SETBP1: variants seen among roughly 807,000 people sequenced by gnomAD.
The protein encoded by SETBP1 is SET-binding protein.
Under a neutral mutation model 101.0 loss-of-function variants are expected in SETBP1, and 9 were observed. That is an observed-to-expected ratio of 0.09 (90% CI 0.05 to 0.16). SETBP1 has a LOEUF of 0.16. SETBP1 is among the 10% of genes least tolerant of loss of function. The pLI, the probability that SETBP1 is intolerant of heterozygous loss-of-function variation, is 1.00. For missense variants in SETBP1, 1,858 were observed against 2,033.8 expected, an observed-to-expected ratio of 0.91 and a Z score of 1.66; for synonymous variants, 818 against 788.5, an observed-to-expected ratio of 1.04 and a Z score of -0.63.
chr18:45,020,488 T>C (rs1190676066), intron 4 of SETBP1, among the ~76,000 whole-genome samples: 1 of 152,072 alleles, frequency 6.6e-6, no homozygotes, highest in Non-Finnish European at 1.5e-5. Context: ...TGTTATCTTC[T>C]AAAAAATAGG....
chr18:44,877,107 C>T (rs1025976015), intron 3 of SETBP1: 236 of 1,010,618 alleles, frequency 2.3e-4, no homozygotes, highest in Middle Eastern at 1.9e-3. Context: ...TGCCATGGAT[C>T]TTTGCTCTCT....
At chr18:45,031,067 T>C (rs1291272884) in intron 4 of SETBP1, among the ~76,000 whole-genome samples, 4 of 152,104 alleles carry the variant, frequency 2.6e-5, no homozygotes, top group Admixed American at 2.6e-4. Flanking sequence ...TTGAATGTGT[T>C]TGCTCTTGCT....
intron 4 of SETBP1, among the ~76,000 whole-genome samples, chr18:44,954,343 A>AAAC (rs1555707971): frequency 2.0e-5 from 3 of 149,584 alleles, no homozygotes; most frequent in South Asian, 2.1e-4. Flanking sequence ...AAAAAAAAAA[A>AAAC]AAAAAAAAAA....
intron 4 of SETBP1, among the ~76,000 whole-genome samples, chr18:45,006,094 C>T (rs1222627577): frequency 6.6e-6 from 1 of 151,630 alleles, no homozygotes; most frequent in Non-Finnish European, 1.5e-5. Context: ...GCTGGGACTA[C>T]AGGCATGCAC....
chr18:44,805,422 GT>G (rs1324639189), intron 2 of SETBP1, among the ~76,000 whole-genome samples: 1 of 151,800 alleles, frequency 6.6e-6, no homozygotes, highest in African/African-American at 2.4e-5. Context: ...GTGTGTGTGT[GT>G]GTGTGTGTGT....
intron 5 of SETBP1, among the ~76,000 whole-genome samples, chr18:45,060,245 G>T (rs942205198): frequency 2.0e-4 from 31 of 152,230 alleles, no homozygotes; most frequent in African/African-American, 7.2e-4. Context: ...TATGAGTAAA[G>T]CAGGCAAGCT....
At chr18:44,889,590 A>G (rs1328363327) in intron 3 of SETBP1, among the ~76,000 whole-genome samples, 2 of 151,966 alleles carry the variant, frequency 1.3e-5, no homozygotes, top group South Asian at 2.1e-4. Context: ...AGTTGCACTG[A>G]CTCTCCACCT....
intron 2 of SETBP1, among the ~76,000 whole-genome samples, chr18:44,714,445 G>A (rs972543372): frequency 2.0e-5 from 3 of 152,140 alleles, no homozygotes; most frequent in East Asian, 1.9e-4. Flanking sequence ...CAGATGATCC[G>A]CCCGCCTTGG....
chr18:44,753,068 T>A (rs1006754915), intron 2 of SETBP1, among the ~76,000 whole-genome samples: 17 of 152,232 alleles, frequency 1.1e-4, no homozygotes, highest in African/African-American at 3.4e-4. Flanking sequence ...ATGGTTTTTT[T>A]ATGTTACATT....
chr18:45,050,707 C>T (rs964100215), intron 5 of SETBP1, among the ~76,000 whole-genome samples: 27 of 152,294 alleles, frequency 1.8e-4, no homozygotes, highest in African/African-American at 6.5e-4. Context: ...CTCTGTGTGG[C>T]CGGGATCCAG....
At chr18:45,016,182 G>A (rs972879445) in intron 4 of SETBP1, among the ~76,000 whole-genome samples, 16 of 152,248 alleles carry the variant, frequency 1.1e-4, no homozygotes, top group African/African-American at 3.9e-4. Flanking sequence ...CGGGGCTGGT[G>A]AGGGTGGGGG....
At chr18:44,916,005 C>T (rs1028529774) in intron 3 of SETBP1, among the ~76,000 whole-genome samples, 2 of 152,118 alleles carry the variant, frequency 1.3e-5, no homozygotes, top group African/African-American at 4.8e-5. Flanking sequence ...TCAGGCAGAT[C>T]ATTTGAGGTA....
In SETBP1 at chr18:44,746,190, G is replaced by C. The variant is rs1029755437; in HGVS notation, c.486+44358G>C. On this transcript the variant is annotated intron_variant, in intron 2 of 5. Coordinates refer to ENST00000649279, the MANE Select transcript of SETBP1 (RefSeq NM_015559.3). ...GGGCGTCATAGGAGAGATGACAGAG[G>C]TGGAAAGGGAAGACATTTATGTAGT... Among the ~76,000 whole-genome samples the C allele has an allele frequency of 8.5e-5, 13 of 152,330 alleles. No homozygotes were observed. In the East Asian group the frequency reaches 2.5e-3, roughly 29 times the overall value.
At chr18:44,718,902 G>T (rs2069524113) in intron 2 of SETBP1, among the ~76,000 whole-genome samples, 2 of 152,064 alleles carry the variant, frequency 1.3e-5, no homozygotes, top group Non-Finnish European at 2.9e-5. Context: ...AAAATAACTT[G>T]TAATTGACCG....
Position 45,063,084 on chromosome 18 carries a change from T to C in SETBP1, c.4177T>C (p.Ser1393Pro). The C allele has an allele frequency of 6.2e-7, 1 of 1,613,738 alleles. No individual in the cohort carries two copies. Among genetic ancestry groups the C allele is most frequent in the Non-Finnish European group, 8.5e-7 (1 of 1,179,980 alleles). ...ASAATSDAVG[S>P]SLKKRFKRRE... is the part of the protein sequence containing the mutation. ...TATCTCTTCCCCTCCCGCAGTCGGC[T>C]CCTCCCTGAAGAAGAGGTTCAAGCG... The change falls in exon 6 of 6, where the codon TCC becomes CCC. Residue 1393 changes from serine to proline, a missense_variant. Ser to Pro is a moderately conservative substitution (Grantham distance 74, BLOSUM62 -1). Coordinates refer to ENST00000649279, the MANE Select transcript of SETBP1 (RefSeq NM_015559.3).
At chr18:44,753,611 C>T (rs1039900587) in intron 2 of SETBP1, among the ~76,000 whole-genome samples, 2 of 152,236 alleles carry the variant, frequency 1.3e-5, no homozygotes, top group South Asian at 4.1e-4. Context: ...ATTGGCCACC[C>T]TATCCCATGC....
chr18:45,027,460 T>A (rs1215808638), intron 4 of SETBP1, among the ~76,000 whole-genome samples: 1 of 152,208 alleles, frequency 6.6e-6, no homozygotes, highest in African/African-American at 2.4e-5. Context: ...GCAAATTATT[T>A]CTCTCTCATA....
intron 2 of SETBP1, among the ~76,000 whole-genome samples, chr18:44,713,021 T>C (rs1426840048): frequency 2.0e-5 from 3 of 146,382 alleles, no homozygotes; most frequent in Non-Finnish European, 4.5e-5. Context: ...GGCAGTGGTG[T>C]GATCTCTGCT....
chr18:44,878,795 C>T lies in SETBP1; in HGVS notation c.540+9512C>T, dbSNP rs1221191045. 5.3e-5 allele frequency among the ~76,000 whole-genome samples: 8 copies of T among 152,156 alleles called. No homozygotes were observed. The East Asian group carries it at 1.5e-3, about 29-fold the overall frequency. ...TCACCCCGTTTCCTACCATGTTGTACCAAACAAAAGACATCCATTGAGAGG... is the reference window on the plus strand; with the variant it reads ...TCACCCCGTTTCCTACCATGTTGTATCAAACAAAAGACATCCATTGAGAGG... On this transcript the variant is annotated intron_variant, in intron 3 of 5. Transcript: ENST00000649279.
Sources: gnomAD v4.1 joint callset for allele counts (sites outside exome capture counted in the v4.1 genomes callset) on GRCh38, gnomAD v4.1.1 for gene constraint, MANE v1.5 for transcripts, NCBI Gene and HGNC (gene_info 2026-07-23, HGNC 2026-07-21) for gene names.